Variants in COL18A1 observed in about 807,000 individuals in gnomAD.
COL18A1 encodes collagen type XVIII alpha 1 chain, also known as collagen alpha-1(XVIII) chain.
A neutral mutation model predicts 168.0 loss-of-function variants in COL18A1; 133 were observed. The ratio of observed to expected loss-of-function variants is 0.79; its 90% CI spans 0.69 to 0.91. COL18A1 has a LOEUF of 0.91. Ranked by LOEUF, COL18A1 falls within the 40% of genes least tolerant of loss-of-function variation. COL18A1 has a pLI of 0.00. For synonymous variants in COL18A1, 949 were observed against 809.0 expected (o/e 1.17, Z -2.94); for missense variants, 2,126 against 1,925.4 (o/e 1.10, Z -1.95).
chr21:45,452,770 A>G (rs1434607225), intron 2 of COL18A1, among the ~76,000 whole-genome samples: 4 of 150,066 alleles, frequency 2.7e-5, no homozygotes, highest in Non-Finnish European at 5.9e-5. Context: ...GCATGTGAGT[A>G]TTCACTGACG....
rs2037485497 is a variant in COL18A1 at position 45,510,056 on chromosome 21, C to T, written c.3496-8C>T. 1.9e-6 allele frequency: 3 copies of T among 1,552,226 alleles called. No homozygotes were observed. Among genetic ancestry groups the T allele is most frequent in the Non-Finnish European group, 2.6e-6 (3 of 1,154,330 alleles). ...GACACAGCCCGTGACGCGCCCCTCTCCCCGCAGCTCCACCTGGTTGCGCTC... is the reference window on the plus strand; with the variant it reads ...GACACAGCCCGTGACGCGCCCCTCTTCCCGCAGCTCCACCTGGTTGCGCTC... On this transcript the variant is annotated splice_region_variant and splice_polypyrimidine_tract_variant and intron_variant, in intron 39 of 41. Coordinates refer to ENST00000651438, the MANE Select transcript of COL18A1 (RefSeq NM_001379500.1).
At chr21:45,489,213 G>A (rs77847829) in intron 18 of COL18A1, among the ~76,000 whole-genome samples, 5,853 of 152,296 alleles carry the variant, frequency 0.038, 285 homozygotes, top group African/African-American at 0.11. Context: ...GAATGAGGCC[G>A]TCTCAGCGGG....
intron 2 of COL18A1, among the ~76,000 whole-genome samples, chr21:45,464,963 G>A (rs1220974131): frequency 1.3e-5 from 2 of 152,202 alleles, no homozygotes; most frequent in African/African-American, 2.4e-5. Context: ...GTGCACGGCT[G>A]CACATGTGTA....
chr21:45,477,884 A>G lies in COL18A1; in HGVS notation c.1140A>G (p.Pro380=). ...TGAGTCCCCTGGGTCCTGCAGGCCC[A>G]GCGTTGCAAACTGTCCCCGGACCAC... The part of the protein sequence containing the change: ...CPVSPLGPAG[P]ALQTVPGPQG... The change falls in exon 8 of 42, where the codon CCA becomes CCG. Residue 380 remains proline (P), a synonymous_variant. Transcript: ENST00000651438. 1.9e-6 allele frequency: 3 copies of G among 1,560,708 alleles called. No homozygotes were observed. The highest frequency in any genetic ancestry group is 1.2e-5 in the South Asian group (1 of 84,770).
rs3835286 is a variant in COL18A1, at chr21:45,509,608, GCCC to G, written c.3495+12_3495+14del. 3 of 1,413,626 alleles carry G rather than the reference GCCC, an allele frequency of 2.1e-6. No homozygotes were observed. The highest frequency in any genetic ancestry group is 2.9e-6 in the Non-Finnish European group (3 of 1,035,626). The allele number at this position is 1,413,626 out of a possible 1,614,324, so 87.6% of individuals were successfully genotyped here. On this transcript the variant is annotated splice_region_variant and intron_variant, in intron 39 of 41. Transcript: ENST00000651438. ...CCGCGACTTCCAGCCGGTGGTGAGT[GCCC>G]CCCCAAAGTGGGCTTGGCTCCATCT...
At position 45,497,050 on chromosome 21, in the gene COL18A1, G is replaced by T. The variant is rs200779516; in HGVS notation, c.2578G>T (p.Val860Leu). The change falls in exon 31 of 42, where the codon GTG becomes TTG. Residue 860 changes from valine (V) to leucine (L), a missense_variant and splice_region_variant. By Grantham distance (32) the Val-to-Leu change is conservative. Transcript: ENST00000651438. ...PPGTPVYDSN[V>L]FAESSRPGPP... ...AGCCGCCTCTCCCCGTTCCTTGCAG[G>T]TGTTTGCTGAGTCCAGCCGCCCCGG... 1.1e-4 allele frequency: 184 copies of T among 1,603,192 alleles called. No homozygotes were observed. The highest frequency in any genetic ancestry group is 1.5e-4 in the Non-Finnish European group (179 of 1,174,446).
chr21:45,451,647 A>C (rs1267682853), intron 2 of COL18A1, among the ~76,000 whole-genome samples: 1 of 152,226 alleles, frequency 6.6e-6, no homozygotes, highest in Non-Finnish European at 1.5e-5. Flanking sequence ...ACTCAGCAGC[A>C]GGAGCGCTCA....
At chr21:45,430,358 C>G (rs1310410040) in intron 2 of COL18A1, among the ~76,000 whole-genome samples, 1 of 152,244 alleles carries the variant, frequency 6.6e-6, no homozygotes, top group Non-Finnish European at 1.5e-5. Context: ...CCCGGTGCCT[C>G]TCACCCTGAA....
chr21:45,459,322 G>A (rs568641515), intron 2 of COL18A1, among the ~76,000 whole-genome samples: 1 of 151,650 alleles, frequency 6.6e-6, no homozygotes, highest in African/African-American at 2.4e-5. Flanking sequence ...CTGACCCCTC[G>A]GGCAGACTTC....
intron 2 of COL18A1, among the ~76,000 whole-genome samples, chr21:45,431,381 C>T (rs1203953541): frequency 4.0e-5 from 6 of 148,968 alleles, no homozygotes; most frequent in South Asian, 2.2e-4. Flanking sequence ...CAGGACCCGG[C>T]GGCCCAGGGG....
intron 30 of COL18A1, 126 bp from the exon 31 acceptor site, chr21:45,496,924 A>G (rs1304690114): frequency 1.4e-6 from 1 of 729,662 alleles, no homozygotes; most frequent in Admixed American, 2.0e-5. Context: ...CCCGTCTCTG[A>G]CTGGGGGAGG....
chr21:45,427,667 G>A (rs530751689), intron 2 of COL18A1, among the ~76,000 whole-genome samples: 11 of 152,328 alleles, frequency 7.2e-5, no homozygotes, highest in South Asian at 2.1e-4. Flanking sequence ...ATGCTTGTGC[G>A]TACCCTGGAC....
At chr21:45,482,521 C>A (rs13339980) in intron 14 of COL18A1, among the ~76,000 whole-genome samples, 8,134 of 152,164 alleles carry the variant, frequency 0.053, 234 homozygotes, top group African/African-American at 0.067. Context: ...GCTGAAGGGC[C>A]CTTCTTGGGG....
intron 2 of COL18A1, among the ~76,000 whole-genome samples, chr21:45,417,572 G>A (rs546537653): frequency 1.4e-4 from 22 of 152,226 alleles, no homozygotes; most frequent in Non-Finnish European, 2.6e-4. Flanking sequence ...TTCTAGGACC[G>A]CGGTCTCTCT....
At chr21:45,497,157 C>T (rs2036570904) in intron 31 of COL18A1, 65 bp downstream of exon 31, 1 of 1,032,632 alleles carries the variant, frequency 9.7e-7, no homozygotes, top group Non-Finnish European at 1.5e-6. Flanking sequence ...GCCCCACCTT[C>T]CTTCCCGTGC....
intron 3 of COL18A1, among the ~76,000 whole-genome samples, chr21:45,472,635 G>A (rs1398089117): frequency 2.0e-5 from 3 of 152,060 alleles, no homozygotes; most frequent in African/African-American, 7.2e-5. Context: ...GGTGGACAGT[G>A]GACCCTGGAC....
chr21:45,446,239 G>T (rs1316708516), intron 2 of COL18A1, among the ~76,000 whole-genome samples: 1 of 152,176 alleles, frequency 6.6e-6, no homozygotes, highest in Non-Finnish European at 1.5e-5. Flanking sequence ...TTGCCCGTAG[G>T]TTATGAGTTT....
In COL18A1 at chr21:45,466,840, C is replaced by T. The variant is rs368221011; in HGVS notation, c.107-1402C>T. Among the ~76,000 whole-genome samples the T allele has an allele frequency of 4.5e-4, 68 of 152,342 alleles. 1 individual carries two copies. The highest frequency in any genetic ancestry group is 3.3e-3 in the East Asian group (17 of 5,186). ...TGGTGGGAGGTTTCTCCAAGGTGAA[C>T]GCGGGGGCAGCTGGGTGGCTGGCAC... On this transcript the variant is annotated intron_variant, in intron 2 of 41. Transcript: ENST00000651438.
intron 2 of COL18A1, among the ~76,000 whole-genome samples, chr21:45,429,643 G>A (rs917474008): frequency 2.0e-5 from 3 of 152,128 alleles, no homozygotes; most frequent in South Asian, 2.1e-4. Context: ...ATGAGCAGGC[G>A]GCAGGATCCC....
Sources: allele counts gnomAD v4.1 joint callset (sites outside exome capture counted in the v4.1 genomes callset), GRCh38; gene constraint gnomAD v4.1.1; transcripts MANE v1.5; gene names NCBI Gene and HGNC (gene_info 2026-07-23, HGNC 2026-07-21).